Variants in WDR64 observed in about 807,000 individuals in gnomAD.
The protein encoded by WDR64 is WD repeat-containing protein 64.
Under a neutral mutation model 139.3 loss-of-function variants are expected in WDR64, and 112 were observed. The ratio of observed to expected loss-of-function variants is 0.80; its 90% CI spans 0.69 to 0.94. The LOEUF (loss-of-function observed/expected upper bound fraction) is 0.94. Ranked by LOEUF, WDR64 falls within the 40% of genes least tolerant of loss-of-function variation. WDR64 has a pLI of 0.00. For synonymous variants in WDR64, 444 were observed against 437.7 expected (o/e 1.01, Z -0.18); for missense variants, 1,206 against 1,293.1 (o/e 0.93, Z 1.03).
chr1:241,733,092 C>T (rs540959225), intron 10 of WDR64, among the ~76,000 whole-genome samples: 2 of 152,180 alleles, frequency 1.3e-5, no homozygotes, highest in East Asian at 1.9e-4. Flanking sequence ...TTACAAATTA[C>T]CCTCAAAACA....
chr1:241,727,917 A>G (rs6679632), intron 10 of WDR64, among the ~76,000 whole-genome samples: 65,826 of 151,816 alleles, frequency 0.43, 14,367 homozygotes, highest in South Asian at 0.48. Flanking sequence ...TAGAAAACAT[A>G]GTGGTGCAGT....
At chr1:241,719,218 T>C (rs538202602) in intron 9 of WDR64, among the ~76,000 whole-genome samples, 2 of 152,204 alleles carry the variant, frequency 1.3e-5, no homozygotes, top group East Asian at 1.9e-4. Flanking sequence ...GGGGACTTGA[T>C]AGTTAAACCT....
intron 1 of WDR64, among the ~76,000 whole-genome samples, chr1:241,654,092 A>G (rs1011710546): frequency 1.3e-5 from 2 of 152,186 alleles, no homozygotes; most frequent in Non-Finnish European, 2.9e-5. Context: ...GTCAAAAGAC[A>G]AGAATTCTCT....
chr1:241,653,294 A>G (rs1410642057), intron 1 of WDR64, among the ~76,000 whole-genome samples: 2 of 152,196 alleles, frequency 1.3e-5, no homozygotes, highest in African/African-American at 4.8e-5. Flanking sequence ...GTTGCAATGA[A>G]AGGAGCAGAG....
intron 25 of WDR64, among the ~76,000 whole-genome samples, chr1:241,793,484 C>T (rs1659265751): frequency 6.6e-6 from 1 of 152,190 alleles, no homozygotes; most frequent in African/African-American, 2.4e-5. Context: ...CCACAAATGT[C>T]CAGTATGTCC....
At chr1:241,742,739 G>C (rs1171863986) in intron 12 of WDR64, among the ~76,000 whole-genome samples, 1 of 152,154 alleles carries the variant, frequency 6.6e-6, no homozygotes, top group African/African-American at 2.4e-5. Context: ...CTGTGGACTT[G>C]CCTTGAATTC....
intron 25 of WDR64, among the ~76,000 whole-genome samples, chr1:241,792,799 G>T (rs1023470747): frequency 2.0e-5 from 3 of 152,170 alleles, no homozygotes; most frequent in African/African-American, 7.2e-5. Flanking sequence ...GCTGATGGTA[G>T]TGGTGTAAAT....
intron 3 of WDR64, among the ~76,000 whole-genome samples, chr1:241,674,382 G>A (rs12565867): frequency 0.076 from 11,250 of 147,300 alleles, 569 homozygotes; most frequent in East Asian, 0.2. Context: ...TCAGCCTCCC[G>A]AGGAACTGGG....
At chr1:241,797,823 T>TA (rs1406231111) in intron 27 of WDR64, among the ~76,000 whole-genome samples, 1 of 152,138 alleles carries the variant, frequency 6.6e-6, no homozygotes, top group Non-Finnish European at 1.5e-5. Flanking sequence ...CTAAAGGTAA[T>TA]AAAGTATTTG....
intron 10 of WDR64, among the ~76,000 whole-genome samples, chr1:241,730,741 C>T (rs931570255): frequency 2.6e-5 from 4 of 152,292 alleles, no homozygotes; most frequent in Middle Eastern, 3.4e-3. Flanking sequence ...GCATTAGGCT[C>T]TGTGCCTATT....
chr1:241,741,669 G>A lies in WDR64; in HGVS notation c.1470+5G>A, dbSNP rs1262977982. 1.3e-6 allele frequency: 2 copies of A among 1,589,022 alleles called. No individual in the cohort carries two copies. Among genetic ancestry groups the A allele is most frequent in the Non-Finnish European group, 1.7e-6 (2 of 1,173,198 alleles). ...TGCTCTGAATCCATAATTAGGGTAA[G>A]TACCTATTGGCTTTTCAAACAGAAA... On this transcript the variant is annotated splice_donor_5th_base_variant and intron_variant, in intron 12 of 27. Coordinates refer to ENST00000437684, the MANE Select transcript of WDR64 (RefSeq NM_001367482.1).
chr1:241,753,012 A>G (rs1670035926), intron 14 of WDR64, among the ~76,000 whole-genome samples: 2 of 152,228 alleles, frequency 1.3e-5, no homozygotes, highest in African/African-American at 4.8e-5. Context: ...ACTGTAAACA[A>G]AGAATCCACC....
intron 8 of WDR64, among the ~76,000 whole-genome samples, chr1:241,700,232 T>G (rs1414005922): frequency 6.7e-6 from 1 of 149,486 alleles, no homozygotes; most frequent in African/African-American, 2.5e-5. Flanking sequence ...GATTCCTCCC[T>G]CTCCTTTATT....
At chr1:241,787,772 T>C in intron 23 of WDR64, 77 bp from the exon 24 acceptor site, 1 of 1,314,140 alleles carries the variant, frequency 7.6e-7, no homozygotes, top group Non-Finnish European at 1.0e-6. Context: ...CTAATTTACA[T>C]AAACGATCTA....
intron 9 of WDR64, among the ~76,000 whole-genome samples, chr1:241,712,630 T>G (rs953416394): frequency 1.3e-5 from 2 of 152,136 alleles, no homozygotes; most frequent in Non-Finnish European, 2.9e-5. Context: ...TCCTTTAAGC[T>G]CCAATCTCAT....
At chr1:241,748,385 T>C (rs1450675084) in intron 13 of WDR64, among the ~76,000 whole-genome samples, 2 of 152,178 alleles carry the variant, frequency 1.3e-5, no homozygotes, top group Non-Finnish European at 2.9e-5. Flanking sequence ...ATCTGGTGTC[T>C]GGCAAGGGCC....
intron 8 of WDR64, 100 bp from the exon 9 acceptor site, chr1:241,711,702 C>A: frequency 8.1e-7 from 1 of 1,242,100 alleles, no homozygotes; most frequent in Non-Finnish European, 1.1e-6. Context: ...GATTTACAAC[C>A]AACTTAGAAA....
At chr1:241,726,579 A>G (rs183024267) in intron 10 of WDR64, among the ~76,000 whole-genome samples, 2,029 of 152,212 alleles carry the variant, frequency 0.013, 48 homozygotes, top group African/African-American at 0.047. Context: ...AGAGGAAAAA[A>G]AGGCTTTGAT....
At chr1:241,755,180 CCCA>C (rs1378121886) in intron 14 of WDR64, among the ~76,000 whole-genome samples, 2 of 152,212 alleles carry the variant, frequency 1.3e-5, no homozygotes, top group South Asian at 2.1e-4. Context: ...AGTTTACACT[CCCA>C]CCAACAGTGT....
Sources: allele counts gnomAD v4.1 joint callset (sites outside exome capture counted in the v4.1 genomes callset), GRCh38; gene constraint gnomAD v4.1.1; transcripts MANE v1.5; gene names NCBI Gene and HGNC (gene_info 2026-07-23, HGNC 2026-07-21).